KANK1: variants seen among roughly 807,000 people sequenced by gnomAD.
KANK1 encodes the protein KN motif and ankyrin repeat domains 1.
KANK1 carries 109 observed loss-of-function variants against 106.2 expected under a neutral mutation model. That is an observed-to-expected ratio of 1.03 (90% CI 0.88 to 1.20). The LOEUF is 1.20. Ranked by LOEUF, KANK1 falls within the 50% of genes most tolerant of loss-of-function variation. The probability of loss-of-function intolerance (pLI) is 0.00; values close to 1 mark genes in which losing one functional copy is unlikely to be tolerated. For synonymous variants in KANK1, 873 were observed against 652.2 expected (o/e 1.34, Z -5.16); for missense variants, 2,399 against 1,710.7 (o/e 1.40, Z -7.10).
chr9:727,816 A>G (rs149783894), intron 3 of KANK1, among the ~76,000 whole-genome samples: 1 of 152,064 alleles, frequency 6.6e-6, no homozygotes, highest in African/African-American at 2.4e-5. Context: ...ACATTTTTCC[A>G]CATCACCCAC....
At chr9:582,726 G>C (rs1407056887) in intron 1 of KANK1, among the ~76,000 whole-genome samples, 1 of 152,186 alleles carries the variant, frequency 6.6e-6, no homozygotes. Flanking sequence ...GCTGTCTTGA[G>C]TAACCAGCAT....
chr9:678,118 A>C (rs1257635361), intron 2 of KANK1, among the ~76,000 whole-genome samples: 2 of 152,184 alleles, frequency 1.3e-5, no homozygotes, highest in African/African-American at 4.8e-5. Flanking sequence ...ACTATAACCC[A>C]AACCCAGATA....
intron 2 of KANK1, among the ~76,000 whole-genome samples, 179 bp from the exon 3 acceptor site, chr9:710,625 A>C (rs1329605426): frequency 7.8e-6 from 1 of 128,672 alleles, no homozygotes; most frequent in East Asian, 2.0e-4. Flanking sequence ...CAAAAAAAAA[A>C]AAAACAAAAA....
intron 1 of KANK1, among the ~76,000 whole-genome samples, chr9:621,214 A>C (rs10217596): frequency 6.6e-6 from 1 of 152,206 alleles, no homozygotes; most frequent in Non-Finnish European, 1.5e-5. Context: ...TAGCTATCAC[A>C]TAACATACAT....
At chr9:626,468 C>T (rs999165364) in intron 1 of KANK1, among the ~76,000 whole-genome samples, 1 of 152,126 alleles carries the variant, frequency 6.6e-6, no homozygotes, top group Non-Finnish European at 1.5e-5. Context: ...TAAAATTATA[C>T]TTATTATTCT....
intron 1 of KANK1, among the ~76,000 whole-genome samples, chr9:584,827 T>G (rs764836438): frequency 1.3e-5 from 2 of 152,214 alleles, no homozygotes; most frequent in African/African-American, 2.4e-5. Context: ...GGTTGAGCTG[T>G]TAAGTTCAGG....
chr9:608,073 C>G (rs1829722460), intron 1 of KANK1, among the ~76,000 whole-genome samples: 2 of 138,796 alleles, frequency 1.4e-5, no homozygotes, highest in Non-Finnish European at 1.5e-5. Flanking sequence ...CTCTGTCGCC[C>G]AGGCCGGACT....
chr9:641,873 G>A (rs1015313634), intron 1 of KANK1, among the ~76,000 whole-genome samples: 3 of 152,100 alleles, frequency 2.0e-5, no homozygotes, highest in African/African-American at 7.2e-5. Context: ...ACGATGCAAT[G>A]GTTTTTAGTA....
chr9:494,916 G>C (rs2058435118), intron 3 of KANK1, among the ~76,000 whole-genome samples: 1 of 152,184 alleles, frequency 6.6e-6, no homozygotes, highest in South Asian at 2.1e-4. Flanking sequence ...AGATAACACA[G>C]AAGGGGCAAG....
intron 1 of KANK1, among the ~76,000 whole-genome samples, chr9:643,026 A>T (rs993583248): frequency 6.6e-6 from 1 of 150,764 alleles, no homozygotes; most frequent in Non-Finnish European, 1.5e-5. Flanking sequence ...AATAAAAAAG[A>T]GGAAAGCCTA....
intron 1 of KANK1, among the ~76,000 whole-genome samples, chr9:544,790 G>C (rs961035726): frequency 7.3e-6 from 1 of 137,620 alleles, no homozygotes; most frequent in Non-Finnish European, 1.6e-5. Flanking sequence ...TAGAACCAAA[G>C]AGAGTTTAGT....
intron 1 of KANK1, among the ~76,000 whole-genome samples, chr9:519,036 A>G (rs904717038): frequency 2.6e-5 from 4 of 151,542 alleles, no homozygotes; most frequent in Admixed American, 2.0e-4. Context: ...GATTACAGGC[A>G]TGCACCACCA....
intron 3 of KANK1, among the ~76,000 whole-genome samples, chr9:497,389 C>G (rs1291836300): frequency 6.6e-6 from 1 of 151,900 alleles, no homozygotes; most frequent in South Asian, 2.1e-4. Flanking sequence ...CACCTTTTCT[C>G]TGAGGGAGAC....
At chr9:613,041 G>A (rs1830942023) in intron 1 of KANK1, among the ~76,000 whole-genome samples, 1 of 152,034 alleles carries the variant, frequency 6.6e-6, no homozygotes. Context: ...ATGAGTGGGT[G>A]AAGATATTGG....
At chr9:630,955 A>AT (rs1285646136) in intron 1 of KANK1, among the ~76,000 whole-genome samples, 1 of 73,870 alleles carries the variant, frequency 1.4e-5, no homozygotes, top group East Asian at 4.4e-4. Context: ...ACTCTGTCTC[A>AT]AAAAACAAAA....
chr9:476,212 C>A (rs189993974), intron 3 of KANK1, among the ~76,000 whole-genome samples: 1 of 151,890 alleles, frequency 6.6e-6, no homozygotes, highest in African/African-American at 2.4e-5. Context: ...CAGTATTAGC[C>A]AAACATGAAC....
chr9:614,313 A>G (rs1245946471), intron 1 of KANK1, among the ~76,000 whole-genome samples: 1 of 152,202 alleles, frequency 6.6e-6, no homozygotes, highest in African/African-American at 2.4e-5. Flanking sequence ...CTCTCAGGAA[A>G]TGAGATTGTT....
At position 740,899 on chromosome 9, in the gene KANK1, T is replaced by C. The variant is rs1835296996; in HGVS notation, c.3661T>C (p.Phe1221Leu). The C allele has an allele frequency of 1.9e-6, 3 of 1,614,222 alleles. No homozygotes were observed. The South Asian group carries it at 3.3e-5, about 18-fold the overall frequency. The change falls in exon 9 of 12, where the codon TTC (phenylalanine) becomes CTC (leucine). Residue 1221 changes from phenylalanine (F) to leucine (L), a missense_variant. Physicochemically the swap from Phe to Leu is conservative, Grantham distance 22 (BLOSUM62 0). Transcript: ENST00000382297. Reference protein sequence around the residue: ...EKDMRIVEELFGCGDVNAKAS... With the variant: ...EKDMRIVEELLGCGDVNAKAS... Reference sequence around the variant, plus strand: ...GGACATGCGGATTGTGGAAGAACTCTTCGGCTGTGGGGATGTGAATGCCAA... The same window carrying C: ...GGACATGCGGATTGTGGAAGAACTCCTCGGCTGTGGGGATGTGAATGCCAA...
intron 1 of KANK1, among the ~76,000 whole-genome samples, chr9:505,251 G>A (rs2058697191): frequency 6.6e-6 from 1 of 152,148 alleles, no homozygotes; most frequent in Admixed American, 6.5e-5. Context: ...AGGGAGTGGC[G>A]GTCAAGACCC....
Sources: gnomAD v4.1 joint callset for allele counts (sites outside exome capture counted in the v4.1 genomes callset) on GRCh38, gnomAD v4.1.1 for gene constraint, MANE v1.5 for transcripts, NCBI Gene and HGNC (gene_info 2026-07-23, HGNC 2026-07-21) for gene names.